PCDHA10: variants seen among roughly 807,000 people sequenced by gnomAD.
PCDHA10 encodes the protein protocadherin alpha 10.
In PCDHA10, 45 loss-of-function variants were observed where a neutral mutation model predicts 61.2. The observed-to-expected ratio is 0.74, with a 90% CI of 0.58 to 0.94. PCDHA10 has a LOEUF of 0.94. Ranked by LOEUF, PCDHA10 falls within the 40% of genes least tolerant of loss-of-function variation. The pLI, the probability that PCDHA10 is intolerant of heterozygous loss-of-function variation, is 0.00. For synonymous variants in PCDHA10, 602 were observed against 548.8 expected (o/e 1.10, Z -1.35); for missense variants, 1,278 against 1,236.2 (o/e 1.03, Z -0.51).
intron 1 of PCDHA10, among the ~76,000 whole-genome samples, chr5:140,908,630 CA>C (rs2074062492): frequency 6.6e-6 from 1 of 152,126 alleles, no homozygotes; most frequent in East Asian, 1.9e-4. Flanking sequence ...TTGAGGTCTC[CA>C]CTGTGATTCA....
At position 140,941,204 on chromosome 5, in the gene PCDHA10, TTTCTTTCTTC is replaced by T. The variant is rs1554213952; in HGVS notation, c.2389-37744_2389-37735del. Among the ~76,000 whole-genome samples, 512 of 88,682 alleles carry T rather than the reference TTTCTTTCTTC, an allele frequency of 5.8e-3. 4 individuals are homozygous for T. Among genetic ancestry groups the T allele is most frequent in the African/African-American group, 0.011 (178 of 16,048 alleles). The allele number at this position is 88,682 out of a possible 152,430, so 58.2% of individuals were successfully genotyped here. ...CTGCTTCTTTTTTTTTCTTTCTTCC[TTTCTTTCTTC>T]CTTTCTTTCTTTCTTTCTTTCTTTC... On this transcript the variant is annotated intron_variant, in intron 1 of 3. Coordinates refer to ENST00000307360, the MANE Select transcript of PCDHA10 (RefSeq NM_018901.4).
chr5:140,936,079 G>T (rs1341534865), intron 1 of PCDHA10, among the ~76,000 whole-genome samples: 2 of 152,008 alleles, frequency 1.3e-5, no homozygotes, highest in African/African-American at 4.8e-5. Context: ...TTTTAGTAGA[G>T]ACAGGGTTTC....
At chr5:140,870,134 A>G (rs2051696193) in intron 1 of PCDHA10, 1 of 1,613,888 alleles carries the variant, frequency 6.2e-7, no homozygotes, top group African/African-American at 1.3e-5. Flanking sequence ...GACACCAACG[A>G]TAACTCTCCT....
intron 1 of PCDHA10, among the ~76,000 whole-genome samples, chr5:140,917,038 C>T (rs1342700377): frequency 6.6e-6 from 1 of 152,168 alleles, no homozygotes; most frequent in African/African-American, 2.4e-5. Context: ...CTGAGTCCAG[C>T]ACAGTGTTGT....
intron 1 of PCDHA10, among the ~76,000 whole-genome samples, chr5:140,930,805 A>T (rs2087129378): frequency 6.6e-6 from 1 of 152,218 alleles, no homozygotes; most frequent in Non-Finnish European, 1.5e-5. Flanking sequence ...CCAGCATATA[A>T]GATATGCTTA....
chr5:140,922,101 G>A (rs531054386), intron 1 of PCDHA10, among the ~76,000 whole-genome samples: 1 of 152,086 alleles, frequency 6.6e-6, no homozygotes, highest in Admixed American at 6.5e-5. Context: ...ACCAACTATA[G>A]ATAAATGAAA....
chr5:140,901,953 G>T (rs545807968), intron 1 of PCDHA10, among the ~76,000 whole-genome samples: 1 of 151,712 alleles, frequency 6.6e-6, no homozygotes, highest in African/African-American at 2.4e-5. Flanking sequence ...AGTTTTATTC[G>T]TGGCTATCGT....
intron 3 of PCDHA10, among the ~76,000 whole-genome samples, chr5:141,003,811 C>G (rs1490096042): frequency 1.3e-5 from 2 of 152,114 alleles, no homozygotes; most frequent in African/African-American, 4.8e-5. Context: ...AATCTGTAGT[C>G]TGGGAAGGGC....
rs1554148991 is a variant in PCDHA10, at chr5:140,856,698, G to A, written c.650G>A (p.Gly217Asp). ...LKLLLTATDG[G>D]KPEFTGSVSL... ...TTGTTGTTGACAGCAACTGATGGAG[G>A]CAAACCTGAATTTACCGGATCTGTT... Residue 217 changes from glycine (G) to aspartate (D), a missense_variant, in exon 1 of 4, where the codon GGC (glycine) becomes GAC (aspartate). Transcript: ENST00000307360. 3.8e-6 allele frequency: 6 copies of A among 1,596,626 alleles called. 1 individual carries two copies. In the African/African-American group the frequency reaches 8.1e-5, roughly 21 times the overall value.
intron 1 of PCDHA10, chr5:140,927,374 ACAGCCTAAGCCCCAGT>A: frequency 6.2e-7 from 1 of 1,614,100 alleles, no homozygotes; most frequent in Non-Finnish European, 8.5e-7. Flanking sequence ...ATACTAAGCT[ACAGCCTAAGCCCCAGT>A]CAGCACTTTC....
At chr5:140,883,477 C>T (rs2059632046) in intron 1 of PCDHA10, 2 of 1,614,054 alleles carry the variant, frequency 1.2e-6, no homozygotes, top group Non-Finnish European at 1.7e-6. Flanking sequence ...CCTACAAGAA[C>T]TACTACTCAT....
At chr5:140,930,143 T>C (rs1375967730) in intron 1 of PCDHA10, 4 of 152,204 alleles carry the variant, frequency 2.6e-5, no homozygotes, top group Non-Finnish European at 5.9e-5. Context: ...ACCTTTTGTT[T>C]TGTGTTTCTA....
In PCDHA10 at chr5:140,856,965, C is replaced by T; in HGVS notation, c.917C>T (p.Ala306Val). The change falls in exon 1 of 4, where the codon GCT becomes GTT. Residue 306 changes from alanine to valine, a missense_variant. Transcript: ENST00000307360. ...ACGGGAGAAATAAAAGTAAATGATG[C>T]TATTGACTTTGAGGACAGTAACACT... ...ERTGEIKVND[A>V]IDFEDSNTYE... 1.9e-6 allele frequency: 3 copies of T among 1,590,456 alleles called. No homozygotes were observed. The highest frequency in any genetic ancestry group is 2.6e-6 in the Non-Finnish European group (3 of 1,160,736).
chr5:140,986,950 A>G (rs1161887732), intron 3 of PCDHA10, among the ~76,000 whole-genome samples: 1 of 152,282 alleles, frequency 6.6e-6, no homozygotes, highest in East Asian at 1.9e-4. Context: ...GTGGTCGCTC[A>G]TGCCTGTAAT....
chr5:140,887,801 G>T (rs1377550372), intron 1 of PCDHA10, among the ~76,000 whole-genome samples: 1 of 151,856 alleles, frequency 6.6e-6, no homozygotes, highest in Non-Finnish European at 1.5e-5. Context: ...CTTTATTTTT[G>T]TCCATTTCTT....
intron 1 of PCDHA10, chr5:140,882,976 T>G: frequency 1.2e-6 from 2 of 1,614,220 alleles, no homozygotes; most frequent in Non-Finnish European, 1.7e-6. Flanking sequence ...TGGACGTGAA[T>G]GACAACGCCC....
chr5:140,998,195 A>C (rs1409926168), intron 3 of PCDHA10, among the ~76,000 whole-genome samples: 6 of 152,164 alleles, frequency 3.9e-5, no homozygotes, highest in African/African-American at 1.2e-4. Flanking sequence ...ACAAGTATTA[A>C]CTCCTTTAAT....
chr5:140,861,316 C>T (rs1554154495), intron 1 of PCDHA10: 4 of 215,598 alleles, frequency 1.9e-5, no homozygotes, highest in African/African-American at 9.3e-5. Context: ...AGGACCAGTT[C>T]CACTACACCA....
Position 140,858,303 on chromosome 5 carries a change from G to A in PCDHA10, c.2255G>A (p.Arg752Lys). Reference protein sequence around the residue: ...AVGSWSYSQQRRQRVCSGEGL... With the variant: ...AVGSWSYSQQKRQRVCSGEGL... ...GGGAGCTGGTCTTACTCGCAGCAGA[G>A]GCGGCAGAGGGTGTGTTCTGGGGAG... is the stretch of plus-strand genomic sequence containing the variant. Residue 752 changes from arginine to lysine, a missense_variant, in exon 1 of 4, where the codon AGG (arginine) becomes AAG (lysine). Coordinates refer to ENST00000307360, the MANE Select transcript of PCDHA10 (RefSeq NM_018901.4). The A allele has an allele frequency of 6.3e-7, 1 of 1,597,370 alleles. No homozygotes were observed. The highest frequency in any genetic ancestry group is 1.1e-5 in the South Asian group (1 of 90,442).
Sources: allele counts gnomAD v4.1 joint callset (sites outside exome capture counted in the v4.1 genomes callset), GRCh38; gene constraint gnomAD v4.1.1; transcripts MANE v1.5; gene names NCBI Gene and HGNC (gene_info 2026-07-23, HGNC 2026-07-21).